The following CDIN1 variants were observed in gnomAD, a reference collection of about 807,000 sequenced individuals.
The protein encoded by CDIN1 is CDAN1 interacting nuclease 1.
A neutral mutation model predicts 45.3 loss-of-function variants in CDIN1; 33 were observed. The ratio of observed to expected loss-of-function variants is 0.73; its 90% CI spans 0.55 to 0.97. The LOEUF is 0.97. CDIN1 is among the 50% of genes least tolerant of loss of function. The probability of loss-of-function intolerance (pLI) is 0.00; values close to 1 mark genes in which losing one functional copy is unlikely to be tolerated. For missense variants in CDIN1, 303 were observed against 339.4 expected (o/e 0.89, Z 0.84); for synonymous variants, 118 against 124.4 (o/e 0.95, Z 0.34).
intron 8 of CDIN1, 128 bp from the exon 9 acceptor site, chr15:36,709,095 C>T: frequency 3.2e-6 from 2 of 631,066 alleles, no homozygotes; most frequent in Non-Finnish European, 5.0e-6. Flanking sequence ...CACAGCACTG[C>T]ATGCATAAGA....
intron 10 of CDIN1, among the ~76,000 whole-genome samples, chr15:36,734,196 A>G (rs181975559): frequency 1.3e-5 from 2 of 152,244 alleles, no homozygotes; most frequent in Admixed American, 1.3e-4. Context: ...GAACATCTAT[A>G]GTAGTCTTCC....
At chr15:36,626,543 A>C (rs2039433801) in intron 1 of CDIN1, 1 of 217,660 alleles carries the variant, frequency 4.6e-6, no homozygotes, top group East Asian at 1.5e-4. Context: ...ACATATGCAA[A>C]TATATTCCTC....
At chr15:36,717,137 C>T (rs1243964005) in intron 10 of CDIN1, among the ~76,000 whole-genome samples, 2 of 152,154 alleles carry the variant, frequency 1.3e-5, no homozygotes, top group East Asian at 1.9e-4. Context: ...CTCTGTTCTT[C>T]GAGAGCCTAT....
chr15:36,655,341 T>C (rs1310721737), intron 4 of CDIN1, among the ~76,000 whole-genome samples: 2 of 152,080 alleles, frequency 1.3e-5, no homozygotes, highest in East Asian at 3.9e-4. Flanking sequence ...TTTTTTTCTT[T>C]TTTTGAGACA....
intron 1 of CDIN1, among the ~76,000 whole-genome samples, chr15:36,628,031 T>C (rs570483691): frequency 6.6e-5 from 10 of 152,124 alleles, no homozygotes; most frequent in Admixed American, 2.6e-4. Context: ...AATTTTTTTT[T>C]CCCAATTTTA....
intron 10 of CDIN1, among the ~76,000 whole-genome samples, chr15:36,733,647 A>G (rs547986325): frequency 6.6e-5 from 10 of 152,234 alleles, no homozygotes; most frequent in East Asian, 1.9e-4. Context: ...AGAAAAAATC[A>G]TGTGTTTATA....
chr15:36,801,154 T>C (rs908367972), intron 10 of CDIN1, among the ~76,000 whole-genome samples: 1 of 151,530 alleles, frequency 6.6e-6, no homozygotes, highest in Admixed American at 6.6e-5. Context: ...TGCAGATTTA[T>C]ATTGTAGGAC....
chr15:36,579,677 C>T lies in CDIN1; in HGVS notation c.-184C>T, dbSNP rs558915020. 5.2e-4 allele frequency: 290 copies of T among 562,612 alleles called. 1 individual carries two copies. Among genetic ancestry groups the T allele is most frequent in the South Asian group, 1.5e-3 (69 of 45,446 alleles). 34.9% of individuals were successfully genotyped at this position (562,612 alleles called of 1,614,324 possible). ...GCGGAGGTGCCGGTGGAGCCTGGGA[C>T]CGGGCGAGTCTCCGCCCCGCTTTTG... On this transcript the variant is annotated 5_prime_UTR_variant, in exon 1 of 11. Coordinates refer to ENST00000566621, the MANE Select transcript of CDIN1 (RefSeq NM_001321759.2).
intron 10 of CDIN1, among the ~76,000 whole-genome samples, chr15:36,763,384 G>T (rs1314676495): frequency 6.6e-6 from 1 of 152,002 alleles, no homozygotes; most frequent in Non-Finnish European, 1.5e-5. Context: ...TACTTTGCTG[G>T]CCACACTCAG....
chr15:36,781,571 A>C (rs1162794846), intron 10 of CDIN1, among the ~76,000 whole-genome samples: 1 of 148,506 alleles, frequency 6.7e-6, no homozygotes, highest in Admixed American at 6.6e-5. Context: ...TTCCTTTCCA[A>C]ATGACTGAAA....
chr15:36,589,666 C>T (rs1054195996), intron 1 of CDIN1, among the ~76,000 whole-genome samples: 29 of 152,178 alleles, frequency 1.9e-4, no homozygotes, highest in African/African-American at 4.8e-4. Context: ...CCACCACGCC[C>T]GGCTAATTTT....
At chr15:36,730,174 T>C (rs1339384636) in intron 10 of CDIN1, among the ~76,000 whole-genome samples, 1 of 152,164 alleles carries the variant, frequency 6.6e-6, no homozygotes, top group African/African-American at 2.4e-5. Flanking sequence ...TGTATTTGAC[T>C]CTTCAACTAA....
At chr15:36,737,057 A>G (rs1214213352) in intron 10 of CDIN1, among the ~76,000 whole-genome samples, 1 of 151,686 alleles carries the variant, frequency 6.6e-6, no homozygotes, top group Admixed American at 6.6e-5. Context: ...AATCCCAGCT[A>G]CTTGGGAGGC....
intron 1 of CDIN1, chr15:36,594,799 T>G: frequency 1.6e-6 from 1 of 635,324 alleles, no homozygotes; most frequent in Non-Finnish European, 1.9e-6. Flanking sequence ...ATTGGCTAAA[T>G]GGGAGTCCGG....
intron 3 of CDIN1, among the ~76,000 whole-genome samples, chr15:36,653,315 T>A (rs1048966228): frequency 6.6e-6 from 1 of 152,040 alleles, no homozygotes. Flanking sequence ...TGACTAGAGA[T>A]GAGGCTGGCA....
At chr15:36,798,901 G>C (rs1027756733) in intron 10 of CDIN1, 2 of 152,168 alleles carry the variant, frequency 1.3e-5, no homozygotes, top group African/African-American at 4.8e-5. Context: ...AAATTCATCA[G>C]AGCAAGTCTG....
intron 10 of CDIN1, among the ~76,000 whole-genome samples, chr15:36,784,320 G>A (rs201117069): frequency 6.6e-6 from 1 of 152,170 alleles, no homozygotes; most frequent in South Asian, 2.1e-4. Context: ...ACTGGTAGCC[G>A]TGTAAGTGGT....
chr15:36,600,563 A>G (rs2038046660), intron 1 of CDIN1, among the ~76,000 whole-genome samples: 1 of 152,218 alleles, frequency 6.6e-6, no homozygotes, highest in South Asian at 2.1e-4. Flanking sequence ...GGCATGTGTC[A>G]TTGATATGGT....
rs2054385904 is a variant in CDIN1, at chr15:36,782,806, G to A, written c.717-25518G>A. Among the ~76,000 whole-genome samples, 5 of 152,262 alleles carry A rather than the reference G, an allele frequency of 3.3e-5. No homozygotes were observed. The South Asian group carries it at 1.0e-3, about 32-fold the overall frequency. On this transcript the variant is annotated intron_variant, in intron 10 of 10. Coordinates refer to ENST00000566621, the MANE Select transcript of CDIN1 (RefSeq NM_001321759.2). ...ATTTCCTATAAGACTGTTGTCTTGA[G>A]CCAAGGGCTTAAAAAAGAAGATAAA...
Sources: gnomAD v4.1 joint callset for allele counts (sites outside exome capture counted in the v4.1 genomes callset) on GRCh38, gnomAD v4.1.1 for gene constraint, MANE v1.5 for transcripts, NCBI Gene and HGNC (gene_info 2026-07-23, HGNC 2026-07-21) for gene names.